PRKN: variants seen among roughly 807,000 people sequenced by gnomAD.
PRKN encodes E3 ubiquitin-protein ligase parkin.
Under a neutral mutation model 59.5 loss-of-function variants are expected in PRKN, and 56 were observed. That is an observed-to-expected ratio of 0.94 (90% CI 0.76 to 1.18). The LOEUF (loss-of-function observed/expected upper bound fraction) is 1.18. Among genes scored for constraint, PRKN ranks in the 50% most tolerant of loss-of-function variants. The pLI, the probability that PRKN is intolerant of heterozygous loss-of-function variation, is 0.00. For missense variants in PRKN, 657 were observed against 596.4 expected, an observed-to-expected ratio of 1.10 and a Z score of -1.06; for synonymous variants, 250 against 222.1, an observed-to-expected ratio of 1.13 and a Z score of -1.12.
intron 5 of PRKN, among the ~76,000 whole-genome samples, chr6:162,011,395 A>AT (rs1387703374): frequency 6.9e-5 from 1 of 14,562 alleles, no homozygotes. Flanking sequence ...TATAATATAT[A>AT]TTATAAATAT....
Position 161,371,813 on chromosome 6 carries a change from AT to A in PRKN, c.1168-11609del, listed in dbSNP as rs1562401684. 1.3e-5 allele frequency among the ~76,000 whole-genome samples: 2 copies of A among 151,984 alleles called. No homozygotes were observed. The highest frequency in any genetic ancestry group is 4.2e-4 in the South Asian group (2 of 4,814). On this transcript the variant is annotated intron_variant, in intron 10 of 11. Transcript: ENST00000366898. The surrounding 1 kb of genome is among the most constrained non-coding windows in gnomAD (Gnocchi z 5.5). Reference sequence around the variant, plus strand: ...ACCACCCCACCTCGCTAATTTTTGTATTTTTAGTAGAGATGGGATTTCATCA... The same window carrying A: ...ACCACCCCACCTCGCTAATTTTTGTATTTTAGTAGAGATGGGATTTCATCA...
At chr6:161,890,329 C>G (rs959624175) in intron 6 of PRKN, among the ~76,000 whole-genome samples, 1 of 152,180 alleles carries the variant, frequency 6.6e-6, no homozygotes, top group African/African-American at 2.4e-5. Context: ...ATGAAAGAGG[C>G]CTTAATCCAT....
chr6:161,972,100 C>T (rs1780835730), intron 6 of PRKN, among the ~76,000 whole-genome samples: 1 of 151,852 alleles, frequency 6.6e-6, no homozygotes, highest in Admixed American at 6.6e-5. Context: ...ATGAAGAAAC[C>T]CCCGTCTCTA....
At chr6:161,656,160 G>C (rs1326355081) in intron 7 of PRKN, among the ~76,000 whole-genome samples, 1 of 152,198 alleles carries the variant, frequency 6.6e-6, no homozygotes, top group Non-Finnish European at 1.5e-5. Flanking sequence ...CATTCTGAAA[G>C]AAGACCTGTT....
chr6:161,797,308 G>A (rs1046718749), intron 6 of PRKN, among the ~76,000 whole-genome samples: 1 of 152,142 alleles, frequency 6.6e-6, no homozygotes, highest in Non-Finnish European at 1.5e-5. Flanking sequence ...CTGGAGTGCA[G>A]TGGCACGATC....
intron 1 of PRKN, among the ~76,000 whole-genome samples, chr6:162,715,948 T>C (rs1584106145): frequency 1.3e-5 from 2 of 152,158 alleles, no homozygotes; most frequent in Admixed American, 1.3e-4. Flanking sequence ...CTGCTGAAGG[T>C]TCCCCTGCTT....
intron 4 of PRKN, among the ~76,000 whole-genome samples, chr6:162,085,272 A>G (rs2128294588): frequency 6.6e-6 from 1 of 151,826 alleles, no homozygotes; most frequent in East Asian, 1.9e-4. Flanking sequence ...TACCCCTAAA[A>G]ACAACTGAGT....
chr6:162,164,398 C>A (rs1229694958), intron 4 of PRKN, among the ~76,000 whole-genome samples: 1 of 148,058 alleles, frequency 6.8e-6, no homozygotes. Flanking sequence ...TTAGTAGTGA[C>A]GGTGTGTTTC....
chr6:161,752,720 T>C (rs1269510099), intron 7 of PRKN, among the ~76,000 whole-genome samples: 1 of 152,152 alleles, frequency 6.6e-6, no homozygotes, highest in South Asian at 2.1e-4. Flanking sequence ...ACATGCTGGC[T>C]TTTGTGTCGC....
intron 6 of PRKN, among the ~76,000 whole-genome samples, chr6:161,896,522 CA>C (rs1324135201): frequency 1.3e-5 from 2 of 152,158 alleles, no homozygotes; most frequent in Admixed American, 1.3e-4. Flanking sequence ...CAGTCAACGC[CA>C]TATAGAGTAG....
chr6:161,364,916 G>GTCTTTTTTTTT (rs1785133055), intron 10 of PRKN, among the ~76,000 whole-genome samples: 1 of 145,852 alleles, frequency 6.9e-6, no homozygotes, highest in Non-Finnish European at 1.5e-5. Context: ...GGGCAACGGA[G>GTCTTTTTTTTT]TGAGACTTTG....
intron 6 of PRKN, among the ~76,000 whole-genome samples, chr6:161,915,440 C>T (rs568549834): frequency 6.6e-6 from 1 of 152,216 alleles, no homozygotes; most frequent in South Asian, 2.1e-4. Flanking sequence ...TACTTTGATA[C>T]ATTTTTAAAG....
chr6:162,022,813 C>T (rs919720554), intron 5 of PRKN, among the ~76,000 whole-genome samples: 2 of 152,090 alleles, frequency 1.3e-5, no homozygotes, highest in East Asian at 3.9e-4. Context: ...AGTCTTTAAT[C>T]CATCTTGAGT....
chr6:162,483,086 T>A (rs1792378059), intron 1 of PRKN, among the ~76,000 whole-genome samples: 2 of 152,184 alleles, frequency 1.3e-5, no homozygotes, highest in South Asian at 4.1e-4. Context: ...CCTCCATAAA[T>A]ATATGCTACT....
At chr6:162,014,323 G>C (rs1044904186) in intron 5 of PRKN, among the ~76,000 whole-genome samples, 1 of 152,120 alleles carries the variant, frequency 6.6e-6, no homozygotes, top group East Asian at 1.9e-4. Flanking sequence ...CAGAGCCCCC[G>C]GCCAGTCAGG....
rs973831639 is a variant in PRKN, at chr6:161,399,217, C to T, written c.1084-12340G>A. ...CATCCATCCCACTGAGAGCCACATC[C>T]ACCACTCAATAAAACCCTGCAGTCA... On this transcript the variant is annotated intron_variant, in intron 9 of 11. Transcript: ENST00000366898. The surrounding 1 kb of genome is among the most constrained non-coding windows in gnomAD (Gnocchi z 4.4). Among the ~76,000 whole-genome samples the T allele has an allele frequency of 4.6e-5, 7 of 152,136 alleles. No homozygotes were observed. The highest frequency in any genetic ancestry group is 8.8e-5 in the Non-Finnish European group (6 of 68,028).
At chr6:162,554,428 G>A (rs1658006624) in intron 1 of PRKN, among the ~76,000 whole-genome samples, 1 of 152,156 alleles carries the variant, frequency 6.6e-6, no homozygotes, top group South Asian at 2.1e-4. Flanking sequence ...CTTGAACTCG[G>A]GAGGCAGAGT....
chr6:162,219,350 T>A (rs1247757772), intron 3 of PRKN, among the ~76,000 whole-genome samples: 1 of 152,210 alleles, frequency 6.6e-6, no homozygotes, highest in Non-Finnish European at 1.5e-5. Flanking sequence ...GAAAAATTAA[T>A]AAAAACTGAC....
chr6:162,700,892 AT>A (rs1253107630), intron 1 of PRKN, among the ~76,000 whole-genome samples: 1 of 152,098 alleles, frequency 6.6e-6, no homozygotes. Context: ...TACATAAGCA[AT>A]CATTTCAATC....
Sources: allele counts gnomAD v4.1 joint callset (sites outside exome capture counted in the v4.1 genomes callset), GRCh38; gene constraint gnomAD v4.1.1; non-coding constraint Gnocchi (gnomAD v3.1); transcripts MANE v1.5; gene names NCBI Gene and HGNC (gene_info 2026-07-23, HGNC 2026-07-21).